Variants in LGALS8 observed in about 807,000 individuals in gnomAD.
LGALS8 encodes galectin-8.
LGALS8 carries 30 observed loss-of-function variants against 35.9 expected under a neutral mutation model. The observed-to-expected ratio is 0.83, with a 90% CI of 0.62 to 1.13. The LOEUF is 1.13. LGALS8 is among the 50% of genes most tolerant of loss of function. The pLI is 0.00. For missense variants in LGALS8, 366 were observed against 388.7 expected, an observed-to-expected ratio of 0.94 and a Z score of 0.49; for synonymous variants, 138 against 136.1, an observed-to-expected ratio of 1.01 and a Z score of -0.10.
chr1:236,552,218 G>A lies in LGALS8; in HGVS notation c.*4057G>A, dbSNP rs1030110509. ...TAACTTTTTAAACATTAGTTCACAT[G>A]CGTTTATTCACTTCATTATGTTCAT... On this transcript the variant is annotated 3_prime_UTR_variant, in exon 10 of 10. Coordinates refer to ENST00000366584, the MANE Select transcript of LGALS8 (RefSeq NM_201544.4). The A allele has an allele frequency of 2.0e-5, 13 of 637,350 alleles. No homozygotes were observed. The highest frequency in any genetic ancestry group is 3.3e-4 in the Middle Eastern group (1 of 3,024). The allele number at this position is 637,350 out of a possible 1,614,324, so 39.5% of individuals were successfully genotyped here. A position where few individuals can be genotyped will look rare whatever the true frequency, so the allele number is the denominator to read the frequency against.
chr1:236,533,989 C>G (rs1571999252), intron 2 of LGALS8, among the ~76,000 whole-genome samples: 1 of 152,138 alleles, frequency 6.6e-6, no homozygotes, highest in African/African-American at 2.4e-5. Flanking sequence ...GATGTAGCTG[C>G]CTTTGACCCC....
At chr1:236,537,242 G>C (rs1810662) in intron 2 of LGALS8, among the ~76,000 whole-genome samples, 105,600 of 151,164 alleles carry the variant, frequency 0.7, 37,143 homozygotes, top group Non-Finnish European at 0.72. Context: ...GTCTCGATCT[G>C]CTGACCTCGT....
At chr1:236,543,873 T>C (rs1662190822) in intron 8 of LGALS8, among the ~76,000 whole-genome samples, 1 of 151,576 alleles carries the variant, frequency 6.6e-6, no homozygotes, top group South Asian at 2.1e-4. Context: ...GACAAGAGAG[T>C]AGCATTTTTG....
chr1:236,539,037 A>G lies in LGALS8; in HGVS notation c.293A>G (p.Lys98Arg). The part of the protein sequence containing the change: ...REEITYDTPF[K>R]REKSFEIVIM... Reference sequence around the variant, plus strand: ...GAGATCACCTATGACACGCCTTTCAAAAGAGAAAAGTCTTTTGAGATCGTG... The same window carrying G: ...GAGATCACCTATGACACGCCTTTCAGAAGAGAAAAGTCTTTTGAGATCGTG... Residue 98 changes from lysine to arginine, a missense_variant, in exon 4 of 10, where the codon AAA becomes AGA. Lys to Arg is a conservative substitution (Grantham distance 26, BLOSUM62 2). Coordinates refer to ENST00000366584, the MANE Select transcript of LGALS8 (RefSeq NM_201544.4). The G allele has an allele frequency of 6.2e-7, 1 of 1,614,174 alleles. No homozygotes were observed. The highest frequency in any genetic ancestry group is 8.5e-7 in the Non-Finnish European group (1 of 1,180,034).
Position 236,551,358 on chromosome 1 carries a change from A to G in LGALS8, c.*3197A>G. The stretch of plus-strand genomic sequence containing the variant: ...AGTAAAGGACTGATCTACTTGCTCC[A>G]CCACCCCTCCCTTAATAATAACATT... On this transcript the variant is annotated 3_prime_UTR_variant, in exon 10 of 10. Coordinates refer to ENST00000366584, the MANE Select transcript of LGALS8 (RefSeq NM_201544.4). The G allele has an allele frequency of 5.1e-6, 1 of 194,468 alleles. No homozygotes were observed. The highest frequency in any genetic ancestry group is 1.4e-4 in the East Asian group (1 of 7,392). The allele number at this position is 194,468 out of a possible 1,614,324, so 12.0% of individuals were successfully genotyped here.
chr1:236,542,942 A>G lies in LGALS8; in HGVS notation c.549+155A>G, dbSNP rs1369470514. ...TAGTAATAGAGGAGGAGACATTTCT[A>G]AAATCGCACCCAGAACTGTCTACAC... On this transcript the variant is annotated intron_variant, in intron 7 of 9. Coordinates refer to ENST00000366584, the MANE Select transcript of LGALS8 (RefSeq NM_201544.4). 6 of 1,614,188 alleles carry G rather than the reference A, an allele frequency of 3.7e-6. No homozygotes were observed. In the South Asian group the frequency reaches 6.6e-5, roughly 18 times the overall value.
rs1474350910 is a variant in LGALS8, at chr1:236,542,752, T to C, written c.523-9T>C. On this transcript the variant is annotated splice_polypyrimidine_tract_variant and intron_variant, in intron 6 of 9. Coordinates refer to ENST00000366584, the MANE Select transcript of LGALS8 (RefSeq NM_201544.4). ...CTAACATTGTTGTGTTTTGTTTCTTTTCCAATAGGTTCCAAAGTCTGGCAC... is the reference window on the plus strand; with the variant it reads ...CTAACATTGTTGTGTTTTGTTTCTTCTCCAATAGGTTCCAAAGTCTGGCAC... 2 of 1,613,972 alleles carry C rather than the reference T, an allele frequency of 1.2e-6. No homozygotes were observed. Among genetic ancestry groups the C allele is most frequent in the Admixed American group, 3.3e-5 (2 of 60,028 alleles).
intron 2 of LGALS8, among the ~76,000 whole-genome samples, chr1:236,530,438 C>T (rs954949722): frequency 6.6e-6 from 1 of 152,180 alleles, no homozygotes; most frequent in African/African-American, 2.4e-5. Flanking sequence ...ATTTTTCACT[C>T]TCTTTTCTTT....
In LGALS8 at chr1:236,538,860, T is replaced by C. The variant is rs761072892; in HGVS notation, c.135-19T>C. 5 of 1,596,954 alleles carry C rather than the reference T, an allele frequency of 3.1e-6. No individual in the cohort carries two copies. The highest frequency in any genetic ancestry group is 4.3e-6 in the Non-Finnish European group (5 of 1,165,820). ...CCTTTCTGAGCACTCATGGGGCCCC[T>C]GTGTCTTCCCTCATATAGATTCCAG... On this transcript the variant is annotated intron_variant, in intron 3 of 9. Transcript: ENST00000366584.
Position 236,523,990 on chromosome 1 carries a change from C to G in LGALS8, c.-175C>G, listed in dbSNP as rs1425642336. The G allele has an allele frequency of 2.5e-6, 1 of 392,608 alleles. No homozygotes were observed. The highest frequency in any genetic ancestry group is 5.1e-6 in the Non-Finnish European group (1 of 195,114). 24.3% of individuals were successfully genotyped at this position (392,608 alleles called of 1,614,324 possible). ...CGTAGCCGCCCACGGACGCCAGAGC[C>G]GGGAACCCTGACGGCACTTAGCTGC... On this transcript the variant is annotated 5_prime_UTR_variant, in exon 1 of 10. Transcript: ENST00000366584.
chr1:236,522,372 G>A (rs558701512), upstream of LGALS8, among the ~76,000 whole-genome samples: 13 of 152,320 alleles, frequency 8.5e-5, no homozygotes, highest in South Asian at 2.5e-3. Context: ...GGGAGGCCAA[G>A]GCAGGAAGAT....
At chr1:236,544,223 T>C (rs1485809025) in intron 8 of LGALS8, among the ~76,000 whole-genome samples, 2 of 152,168 alleles carry the variant, frequency 1.3e-5, no homozygotes, top group Non-Finnish European at 2.9e-5. Context: ...AGTGCTGGGA[T>C]TACAGGTGTG....
In LGALS8 at chr1:236,549,015, A is replaced by AAGAT; in HGVS notation, c.*856_*859dup. On this transcript the variant is annotated 3_prime_UTR_variant, in exon 10 of 10. Coordinates refer to ENST00000366584, the MANE Select transcript of LGALS8 (RefSeq NM_201544.4). ...AAGAGGCAAGATGCATTCAATTTGA[A>AAGAT]AGATATTTATGGGCAACAAAGTAAG... The AAGAT allele has an allele frequency of 2.5e-6, 1 of 398,620 alleles. No individual in the cohort carries two copies. The highest frequency in any genetic ancestry group is 2.1e-5 in the African/African-American group (1 of 48,740). 24.7% of individuals were successfully genotyped at this position (398,620 alleles called of 1,614,324 possible).
upstream of LGALS8, chr1:236,518,526 T>C (rs1440699630): frequency 1.3e-5 from 2 of 152,208 alleles, no homozygotes; most frequent in Non-Finnish European, 2.9e-5. Context: ...TTGTAAAGAA[T>C]GCATTCCTGA....
chr1:236,529,647 C>CTTTT (rs780751484), intron 2 of LGALS8, among the ~76,000 whole-genome samples: 2 of 106,076 alleles, frequency 1.9e-5, no homozygotes, highest in Non-Finnish European at 1.9e-5. Context: ...TCTTTCTTCT[C>CTTTT]TTTTTTTTTT....
chr1:236,528,447 T>C (rs1490847948), intron 2 of LGALS8, among the ~76,000 whole-genome samples: 1 of 151,316 alleles, frequency 6.6e-6, no homozygotes, highest in Non-Finnish European at 1.5e-5. Flanking sequence ...TTGTTACTGA[T>C]AGGTTCAATA....
At chr1:236,523,968 A>T, upstream of LGALS8, 1 of 379,800 alleles carries the variant, frequency 2.6e-6, no homozygotes. Context: ...CGCTTCCCGT[A>T]GCCGCCCACG....
At chr1:236,523,333 G>T (rs957092809), upstream of LGALS8, 2 of 152,250 alleles carry the variant, frequency 1.3e-5, no homozygotes, top group African/African-American at 4.8e-5. Context: ...GGGGAGCTTG[G>T]GCTGGGCACA....
intron 9 of LGALS8, among the ~76,000 whole-genome samples, chr1:236,545,527 G>A (rs527568752): frequency 6.6e-6 from 1 of 152,168 alleles, no homozygotes; most frequent in Non-Finnish European, 1.5e-5. Context: ...CACCAGCTCA[G>A]GTGCCACTGC....
Sources: allele counts gnomAD v4.1 joint callset (sites outside exome capture counted in the v4.1 genomes callset), GRCh38; gene constraint gnomAD v4.1.1; transcripts MANE v1.5; gene names NCBI Gene and HGNC (gene_info 2026-07-23, HGNC 2026-07-21).